The following BMX variants were observed in gnomAD, a reference collection of about 807,000 sequenced individuals.
BMX encodes the protein cytoplasmic tyrosine-protein kinase BMX.
BMX carries 31 observed loss-of-function variants against 59.2 expected under a neutral mutation model. The observed-to-expected ratio is 0.52, with a 90% CI of 0.39 to 0.71. The LOEUF (loss-of-function observed/expected upper bound fraction) is 0.71, where lower values mean the gene tolerates loss of function less well. Ranked by LOEUF, BMX falls within the 30% of genes least tolerant of loss-of-function variation. The pLI is 0.00. For synonymous variants in BMX, 185 were observed against 181.0 expected (o/e 1.02, Z -0.18); for missense variants, 474 against 491.7 (o/e 0.96, Z 0.34).
chrX:15,542,115 C>A lies in BMX; in HGVS notation c.1528C>A (p.Pro510Thr), dbSNP rs1925718844. ...YLRSHGKGLE[P>T]SQLLEMCYDV... ...GAGGAGTCACGGAAAAGGACTTGAA[C>A]CTTCCCAGCTCTTAGAAATGTGCTA... is the stretch of plus-strand genomic sequence containing the variant. The change falls in exon 15 of 19, where the codon CCT becomes ACT. Residue 510 changes from proline (P) to threonine (T), a missense_variant. Coordinates refer to ENST00000348343, the MANE Select transcript of BMX (RefSeq NM_203281.3). 1 of 1,211,541 alleles carries A rather than the reference C, an allele frequency of 8.3e-7. No homozygotes were observed. The highest frequency in any genetic ancestry group is 1.1e-6 in the Non-Finnish European group (1 of 895,337).
At chrX:15,534,154 T>G (rs1375115147) in intron 11 of BMX, 58 bp from the exon 12 acceptor site, 1 of 1,026,717 alleles carries the variant, frequency 9.7e-7, no homozygotes, top group Admixed American at 3.5e-5. Flanking sequence ...TATTTAACCC[T>G]TGCTTAATCA....
chrX:15,536,328 T>C lies in BMX; in HGVS notation c.1148-25T>C, dbSNP rs376416172. 7.5e-6 allele frequency: 9 copies of C among 1,194,984 alleles called. No individual in the cohort carries two copies. The Admixed American group carries it at 8.9e-5, about 12-fold the overall frequency. On this transcript the variant is annotated intron_variant, in intron 12 of 18. Coordinates refer to ENST00000348343, the MANE Select transcript of BMX (RefSeq NM_203281.3). ...GATGGGATATGATATAATGATGTGA[T>C]GATATGATGCTGATTCCATTGCAGG...
intron 11 of BMX, among the ~76,000 whole-genome samples, chrX:15,533,177 C>A (rs1296458862): frequency 4.5e-5 from 5 of 112,087 alleles, no homozygotes; most frequent in Non-Finnish European, 9.4e-5. Flanking sequence ...GATGTTACAG[C>A]AACAATTTTT....
At position 15,536,393 on chromosome X, in the gene BMX, C is replaced by A. The variant is rs140757047; in HGVS notation, c.1188C>A (p.Ala396=). The change falls in exon 13 of 19, where the codon GCC becomes GCA. Residue 396 remains alanine, a synonymous_variant. Coordinates refer to ENST00000348343, the MANE Select transcript of BMX (RefSeq NM_203281.3). ...TCCGCCACCCTGTGTCAACAAAGGC[C>A]AACAAGGTCCCCGACTCTGTGTCCC... ...TRLRHPVSTK[A]NKVPDSVSLG... 2.2e-4 allele frequency: 265 copies of A among 1,206,302 alleles called. 3 individuals carry two copies. In the Middle Eastern group the frequency reaches 3.7e-3, roughly 17 times the overall value.
At chrX:15,549,049 G>A (rs966204266) in intron 17 of BMX, among the ~76,000 whole-genome samples, 6 of 111,243 alleles carry the variant, frequency 5.4e-5, no homozygotes, top group Non-Finnish European at 9.4e-5. Context: ...GAGGCTGAGA[G>A]GGGTTGAGAA....
intron 18 of BMX, among the ~76,000 whole-genome samples, chrX:15,550,704 AC>A (rs1926155954): frequency 9.2e-6 from 1 of 108,616 alleles, no homozygotes; most frequent in African/African-American, 3.4e-5. Flanking sequence ...ACACACACAC[AC>A]ACACACAAAT....
At chrX:15,550,517 G>C (rs901561069) in intron 18 of BMX, among the ~76,000 whole-genome samples, 1 of 110,913 alleles carries the variant, frequency 9.0e-6, no homozygotes, top group African/African-American at 3.3e-5. Context: ...TTCCATGCAG[G>C]TAGAAGATAA....
intron 11 of BMX, 65 bp from the exon 12 acceptor site, chrX:15,534,147 T>C (rs1168500692): frequency 5.0e-6 from 5 of 1,006,430 alleles, no homozygotes; most frequent in Non-Finnish European, 5.2e-6. Flanking sequence ...AAATAATTAT[T>C]TAACCCTTGC....
At chrX:15,551,505 G>T (rs903523981) in intron 18 of BMX, among the ~76,000 whole-genome samples, 31 of 104,762 alleles carry the variant, frequency 3.0e-4, no homozygotes, top group Non-Finnish European at 4.9e-4. Flanking sequence ...CTGTTTTTCT[G>T]TTATTAATAT....
chrX:15,551,541 A>AT (rs1301698631), intron 18 of BMX, among the ~76,000 whole-genome samples: 10 of 57,158 alleles, frequency 1.7e-4, no homozygotes, highest in Non-Finnish European at 2.8e-4. Context: ...ATATATATAT[A>AT]TATTTTTTTT....
intron 9 of BMX, among the ~76,000 whole-genome samples, chrX:15,527,874 A>G (rs780871536): frequency 1.6e-4 from 18 of 112,334 alleles, no homozygotes; most frequent in South Asian, 3.7e-4. Context: ...CATTGATGGA[A>G]TAATTCATAC....
intron 1 of BMX, among the ~76,000 whole-genome samples, chrX:15,501,207 G>A (rs1923558816): frequency 8.9e-6 from 1 of 111,883 alleles, no homozygotes; most frequent in African/African-American, 3.3e-5. Flanking sequence ...CTCTCAGGTT[G>A]TTTATGTATC....
At position 15,525,363 on chromosome X, in the gene BMX, A is replaced by G. The variant is rs780423265; in HGVS notation, c.828A>G (p.Ser276=). 2.5e-6 allele frequency: 3 copies of G among 1,203,248 alleles called. No individual in the cohort carries two copies. In the Admixed American group the frequency reaches 6.5e-5, roughly 26 times the overall value. Residue 276 remains serine (S), a splice_region_variant and synonymous_variant, in exon 8 of 19, where the codon TCA becomes TCG. Coordinates refer to ENST00000348343, the MANE Select transcript of BMX (RefSeq NM_203281.3). ...RNVNHTTSKI[S]WEFPESSSSE... Reference sequence around the variant, plus strand: ...TGAATCACACCACCTCAAAGATTTCATGGTAAATCAAATTCAGATATCTCC... The same window carrying G: ...TGAATCACACCACCTCAAAGATTTCGTGGTAAATCAAATTCAGATATCTCC...
At chrX:15,513,146 A>T (rs1382137390) in intron 4 of BMX, among the ~76,000 whole-genome samples, 2 of 112,166 alleles carry the variant, frequency 1.8e-5, no homozygotes, top group African/African-American at 6.5e-5. Flanking sequence ...AAACAAATCC[A>T]CTTTTGTTCT....
In BMX at chrX:15,525,209, T is replaced by C. The variant is rs190314688; in HGVS notation, c.753-79T>C. On this transcript the variant is annotated intron_variant, in intron 7 of 18. Coordinates refer to ENST00000348343, the MANE Select transcript of BMX (RefSeq NM_203281.3). ...ATGTCAAATAAAGCTAAAACATATC[T>C]GAACAAAATTACTTTTGTCATTTAA... 2.3e-3 allele frequency: 2,215 copies of C among 968,669 alleles called. 5 individuals are homozygous for C. The highest frequency in any genetic ancestry group is 7.2e-3 in the South Asian group (306 of 42,544). The allele number at this position is 968,669 out of a possible 1,213,427, so 79.8% of individuals were successfully genotyped here. A position where few individuals can be genotyped will look rare whatever the true frequency, so the allele number is the denominator to read the frequency against.
intron 14 of BMX, among the ~76,000 whole-genome samples, chrX:15,540,150 T>C (rs1925588456): frequency 8.9e-6 from 1 of 112,015 alleles, no homozygotes; most frequent in Non-Finnish European, 1.9e-5. Flanking sequence ...ATTGCAGCAC[T>C]ATTCACAATA....
intron 17 of BMX, among the ~76,000 whole-genome samples, chrX:15,547,122 T>C (rs968226371): frequency 2.7e-5 from 3 of 112,119 alleles, no homozygotes; most frequent in African/African-American, 9.7e-5. Context: ...ACACATCTTG[T>C]AATTTACATC....
chrX:15,538,887 C>A (rs1367299305), intron 14 of BMX, among the ~76,000 whole-genome samples: 1 of 111,348 alleles, frequency 9.0e-6, no homozygotes, highest in African/African-American at 3.3e-5. Flanking sequence ...ATGAGATCTG[C>A]ACAGTTGCAA....
chrX:15,545,105 G>A (rs1925884734), intron 16 of BMX, among the ~76,000 whole-genome samples: 1 of 111,642 alleles, frequency 9.0e-6, no homozygotes, highest in African/African-American at 3.3e-5. Context: ...AATAGCATTA[G>A]TGTAGAAAGT....
Sources: allele counts gnomAD v4.1 joint callset (sites outside exome capture counted in the v4.1 genomes callset), GRCh38; gene constraint gnomAD v4.1.1; transcripts MANE v1.5; gene names NCBI Gene and HGNC (gene_info 2026-07-23, HGNC 2026-07-21).